Variants in PCDHGA6 observed in about 807,000 individuals in gnomAD.
The protein encoded by PCDHGA6 is protocadherin gamma subfamily A, 6, also known as protocadherin gamma-A6.
A neutral mutation model predicts 60.6 loss-of-function variants in PCDHGA6; 41 were observed. The ratio of observed to expected loss-of-function variants is 0.68; its 90% CI spans 0.53 to 0.88. PCDHGA6 has a LOEUF of 0.88. Ranked by LOEUF, PCDHGA6 falls within the 40% of genes least tolerant of loss-of-function variation. The pLI, the probability that PCDHGA6 is intolerant of heterozygous loss-of-function variation, is 0.00. For missense variants in PCDHGA6, 1,312 were observed against 1,203.0 expected, an observed-to-expected ratio of 1.09 and a Z score of -1.34; for synonymous variants, 594 against 524.4, an observed-to-expected ratio of 1.13 and a Z score of -1.81.
At chr5:141,382,764 A>G (rs1778415401) in intron 1 of PCDHGA6, 1 of 699,092 alleles carries the variant, frequency 1.4e-6, no homozygotes. Context: ...GCCCTCTTCC[A>G]GGCTGCACTA....
intron 1 of PCDHGA6, chr5:141,376,742 A>C (rs1191231453): frequency 2.1e-6 from 1 of 487,580 alleles, no homozygotes; most frequent in Non-Finnish European, 3.5e-6. Flanking sequence ...TGCGGACTGC[A>C]GTGGCGCAAT....
At chr5:141,383,704 C>A in intron 1 of PCDHGA6, 1 of 1,613,980 alleles carries the variant, frequency 6.2e-7, no homozygotes, top group South Asian at 1.1e-5. Flanking sequence ...TGCTATCGAC[C>A]TGGACGAGGG....
Position 141,432,806 on chromosome 5 carries a change from A to G in PCDHGA6, c.2424+56299A>G, listed in dbSNP as rs755248654. 12 of 1,614,070 alleles carry G rather than the reference A, an allele frequency of 7.4e-6. No individual in the cohort carries two copies. Among genetic ancestry groups the G allele is most frequent in the Non-Finnish European group, 9.3e-6 (11 of 1,179,972 alleles). On this transcript the variant is annotated intron_variant, in intron 1 of 3. Transcript: ENST00000517434. This position sits in a 1 kb window ranked among gnomAD's most constrained non-coding sequence, Gnocchi z 6.0. ...CCTCGGCAGCCTCGAGTCTCCAGCT[A>G]ACTCTGAAACCTCAGACCTCACTCT...
At chr5:141,421,141 G>A (rs7732160) in intron 1 of PCDHGA6, 49,996 of 938,386 alleles carry the variant, frequency 0.053, 1,680 homozygotes, top group African/African-American at 0.14. Flanking sequence ...TATTTTGGAT[G>A]TAGTCGGCCT....
intron 1 of PCDHGA6, chr5:141,413,362 C>G: frequency 1.2e-6 from 2 of 1,613,988 alleles, no homozygotes; most frequent in South Asian, 1.1e-5. Context: ...GCCCCGGGAG[C>G]TGGCGGAGCG....
chr5:141,423,323 C>A (rs200492485), intron 1 of PCDHGA6: 91 of 1,614,146 alleles, frequency 5.6e-5, no homozygotes, highest in Non-Finnish European at 4.2e-6. Flanking sequence ...GTGGCGGTGG[C>A]CGCAGTCTCC....
chr5:141,415,815 A>G, intron 1 of PCDHGA6: 1 of 1,337,656 alleles, frequency 7.5e-7, no homozygotes, highest in East Asian at 2.7e-5. Context: ...AGGCCTATAT[A>G]TCATAAGGCT....
At position 141,476,001 on chromosome 5, in the gene PCDHGA6, C is replaced by A. The variant is rs989369008; in HGVS notation, c.2425-18806C>A. On this transcript the variant is annotated intron_variant, in intron 1 of 3. Coordinates refer to ENST00000517434, the MANE Select transcript of PCDHGA6 (RefSeq NM_018919.3). This position sits in a 1 kb window ranked among gnomAD's most constrained non-coding sequence, Gnocchi z 7.6. ...CAGCCGGCGAGCAAATCAACGGCAT[C>A]CAGAAAGCCATGTCGGACTCGGCGC... The A allele has an allele frequency of 5.7e-5, 70 of 1,235,226 alleles. No homozygotes were observed. In the Middle Eastern group the frequency reaches 8.6e-4, roughly 15 times the overall value. The allele number at this position is 1,235,226 out of a possible 1,614,324, so 76.5% of individuals were successfully genotyped here. A position where few individuals can be genotyped will look rare whatever the true frequency, so the allele number is the denominator to read the frequency against.
chr5:141,402,760 G>A (rs2094303871), intron 1 of PCDHGA6, among the ~76,000 whole-genome samples: 1 of 152,176 alleles, frequency 6.6e-6, no homozygotes, highest in African/African-American at 2.4e-5. Flanking sequence ...CGAAAATCAG[G>A]ACTCCATCCG....
At chr5:141,447,437 G>A (rs1435222330) in intron 1 of PCDHGA6, among the ~76,000 whole-genome samples, 3 of 152,128 alleles carry the variant, frequency 2.0e-5, no homozygotes, top group Non-Finnish European at 2.9e-5. Context: ...CGCACCCGGA[G>A]GAAATTTTTA....
At position 141,374,927 on chromosome 5, in the gene PCDHGA6, G is replaced by A. The variant is rs754203986; in HGVS notation, c.844G>A (p.Val282Met). Reference sequence around the variant, plus strand: ...CCACGGGGAAGTAACTTATTCCTTTGTGAAGATTACAGAAAAGATCTCACA... The same window carrying A: ...CCACGGGGAAGTAACTTATTCCTTTATGAAGATTACAGAAAAGATCTCACA... ...GVHGEVTYSF[V>M]KITEKISQIF... Residue 282 changes from valine (V) to methionine (M), a missense_variant, in exon 1 of 4, where the codon GTG becomes ATG. By Grantham distance (21) the Val-to-Met change is conservative. Coordinates refer to ENST00000517434, the MANE Select transcript of PCDHGA6 (RefSeq NM_018919.3). 6.2e-7 allele frequency: 1 copy of A among 1,613,960 alleles called. No individual in the cohort carries two copies. Among genetic ancestry groups the A allele is most frequent in the Non-Finnish European group, 8.5e-7 (1 of 1,179,904 alleles).
At chr5:141,398,709 G>A (rs1202607096) in intron 1 of PCDHGA6, 1 of 1,613,714 alleles carries the variant, frequency 6.2e-7, no homozygotes, top group Non-Finnish European at 8.5e-7. Context: ...ACCCGGAACT[G>A]GCACTGGAGA....
intron 1 of PCDHGA6, chr5:141,384,561 C>A (rs778010622): frequency 3.1e-6 from 5 of 1,614,254 alleles, no homozygotes; most frequent in South Asian, 1.1e-5. Context: ...TCGTGCTGGA[C>A]CAGAATGACA....
intron 1 of PCDHGA6, chr5:141,415,782 T>C: frequency 7.4e-7 from 1 of 1,356,228 alleles, no homozygotes. Context: ...TACTTTCTGG[T>C]AAAATTCACC....
intron 1 of PCDHGA6, chr5:141,404,674 T>C: frequency 1.9e-6 from 3 of 1,614,176 alleles, no homozygotes; most frequent in East Asian, 2.2e-5. Context: ...GTTCTACTGG[T>C]GTGGAGCTGG....
chr5:141,380,542 T>A lies in PCDHGA6; in HGVS notation c.2424+4035T>A, dbSNP rs182715146. 2.0e-5 allele frequency among the ~76,000 whole-genome samples: 3 copies of A among 152,362 alleles called. No individual in the cohort carries two copies. The East Asian group carries it at 5.8e-4, about 29-fold the overall frequency. On this transcript the variant is annotated intron_variant, in intron 1 of 3. Transcript: ENST00000517434. ...ATGAAATGATTTCAATTTGATACAA[T>A]GAGCTTATGTTAGATTTTATTAAAC...
chr5:141,477,890 C>A lies in PCDHGA6; in HGVS notation c.2425-16917C>A, dbSNP rs202114426. On this transcript the variant is annotated intron_variant, in intron 1 of 3. Transcript: ENST00000517434. This position sits in a 1 kb window ranked among gnomAD's most constrained non-coding sequence, Gnocchi z 4.9. ...TACCTCAGCTGGCCACCTAGTGTCA[C>A]GGGTGGTAGGCTGGGACGCGGATGC... is the stretch of plus-strand genomic sequence containing the variant. 3.1e-6 allele frequency: 5 copies of A among 1,614,204 alleles called. 1 individual carries two copies. In the Admixed American group the frequency reaches 8.3e-5, roughly 27 times the overall value.
At chr5:141,389,957 G>C in intron 1 of PCDHGA6, 2 of 1,614,080 alleles carry the variant, frequency 1.2e-6, no homozygotes, top group Non-Finnish European at 1.7e-6. Flanking sequence ...TTTACCTAGT[G>C]GTGGCCTTGG....
intron 1 of PCDHGA6, chr5:141,428,064 G>A: frequency 6.2e-7 from 1 of 1,609,060 alleles, no homozygotes; most frequent in East Asian, 2.2e-5. Flanking sequence ...GGCGGTGGAC[G>A]CAGATTCGGG....
Sources: gnomAD v4.1 joint callset for allele counts (sites outside exome capture counted in the v4.1 genomes callset) on GRCh38, gnomAD v4.1.1 for gene constraint, Gnocchi (gnomAD v3.1) non-coding constraint, MANE v1.5 for transcripts, NCBI Gene and HGNC (gene_info 2026-07-23, HGNC 2026-07-21) for gene names.